The following VWC2L variants were observed in gnomAD, a reference collection of about 807,000 sequenced individuals.
VWC2L encodes von Willebrand factor C domain-containing protein 2-like.
Under a neutral mutation model 21.6 loss-of-function variants are expected in VWC2L, and 10 were observed. That is an observed-to-expected ratio of 0.46 (90% CI 0.29 to 0.78). VWC2L has a LOEUF of 0.78. Ranked by LOEUF, VWC2L falls within the 30% of genes least tolerant of loss-of-function variation. The pLI is 0.10. For missense variants in VWC2L, 209 were observed against 277.1 expected (o/e 0.75, Z 1.74); for synonymous variants, 96 against 94.3 (o/e 1.02, Z -0.10).
At chr2:214,473,090 A>G (rs1022169060) in intron 3 of VWC2L, among the ~76,000 whole-genome samples, 6 of 152,250 alleles carry the variant, frequency 3.9e-5, no homozygotes, top group African/African-American at 1.4e-4. Flanking sequence ...AATAGTCAAA[A>G]GTAAGCAAAA....
chr2:214,501,230 G>A (rs757523463), intron 3 of VWC2L, among the ~76,000 whole-genome samples: 48 of 152,112 alleles, frequency 3.2e-4, no homozygotes, highest in South Asian at 1.2e-3. Context: ...TTTAACCATC[G>A]GAAAAGCCAC....
intron 3 of VWC2L, among the ~76,000 whole-genome samples, chr2:214,457,212 CACTT>C (rs1450487614): frequency 6.6e-6 from 1 of 152,052 alleles, no homozygotes; most frequent in African/African-American, 2.4e-5. Context: ...TGAACCTCCT[CACTT>C]AAATTTATTC....
chr2:214,490,803 A>T (rs964947309), intron 3 of VWC2L, among the ~76,000 whole-genome samples: 1 of 152,238 alleles, frequency 6.6e-6, no homozygotes, highest in Non-Finnish European at 1.5e-5. Flanking sequence ...ATTGCTGCAT[A>T]GAAGTTAAAC....
chr2:214,460,387 C>A (rs767629045), intron 3 of VWC2L, among the ~76,000 whole-genome samples: 11 of 152,084 alleles, frequency 7.2e-5, no homozygotes, highest in Non-Finnish European at 1.3e-4. Context: ...TTCTAGAACA[C>A]CCAAAATTTG....
intron 3 of VWC2L, among the ~76,000 whole-genome samples, chr2:214,461,832 C>T (rs1256474323): frequency 6.6e-6 from 1 of 152,158 alleles, no homozygotes; most frequent in Non-Finnish European, 1.5e-5. Flanking sequence ...AGCCCGCAAC[C>T]AGGACAGTCG....
intron 2 of VWC2L, among the ~76,000 whole-genome samples, chr2:214,432,193 G>A (rs1702610541): frequency 6.6e-6 from 1 of 152,322 alleles, no homozygotes; most frequent in Admixed American, 6.5e-5. Flanking sequence ...AAATGATTAT[G>A]CATTTTAGTT....
chr2:214,519,061 T>C (rs1689190161), intron 3 of VWC2L, among the ~76,000 whole-genome samples: 1 of 152,202 alleles, frequency 6.6e-6, no homozygotes, highest in African/African-American at 2.4e-5. Context: ...AGGTTGCTTA[T>C]ACAAACTTTC....
chr2:214,569,910 G>C (rs539846289), intron 3 of VWC2L, among the ~76,000 whole-genome samples: 1 of 152,214 alleles, frequency 6.6e-6, no homozygotes, highest in African/African-American at 2.4e-5. Flanking sequence ...GTGTAACCAG[G>C]GTGGCTATCA....
At chr2:214,522,466 C>T (rs1308715042) in intron 3 of VWC2L, among the ~76,000 whole-genome samples, 2 of 150,924 alleles carry the variant, frequency 1.3e-5, no homozygotes, top group African/African-American at 4.9e-5. Flanking sequence ...TTAGTGGGTA[C>T]ATAGTCGGTG....
At chr2:214,520,695 G>A (rs761431333) in intron 3 of VWC2L, among the ~76,000 whole-genome samples, 6 of 151,992 alleles carry the variant, frequency 3.9e-5, no homozygotes, top group African/African-American at 7.2e-5. Context: ...TATCATCATT[G>A]CCAATTTGGT....
intron 3 of VWC2L, among the ~76,000 whole-genome samples, chr2:214,565,021 G>T (rs1471955884): frequency 2.0e-5 from 3 of 152,000 alleles, no homozygotes; most frequent in African/African-American, 4.8e-5. Flanking sequence ...ACTAAAATAG[G>T]ATCCTATTAT....
intron 3 of VWC2L, among the ~76,000 whole-genome samples, chr2:214,458,093 G>A (rs1020745118): frequency 1.3e-5 from 2 of 151,896 alleles, no homozygotes; most frequent in Non-Finnish European, 2.9e-5. Flanking sequence ...TTTCTTTGTT[G>A]GGAGACTTTT....
chr2:214,561,346 C>A (rs1689967412), intron 3 of VWC2L, among the ~76,000 whole-genome samples: 3 of 152,216 alleles, frequency 2.0e-5, no homozygotes, highest in Admixed American at 2.0e-4. Flanking sequence ...TCTTGGCCAC[C>A]TGTCATCTCA....
intron 2 of VWC2L, chr2:214,414,836 T>C: frequency 1.1e-5 from 5 of 455,586 alleles, no homozygotes; most frequent in Non-Finnish European, 1.9e-5. Flanking sequence ...TAACACCTTT[T>C]ATTTTTGCCC....
At chr2:214,508,965 G>A (rs925491227) in intron 3 of VWC2L, among the ~76,000 whole-genome samples, 2 of 147,862 alleles carry the variant, frequency 1.4e-5, no homozygotes, top group African/African-American at 5.0e-5. Flanking sequence ...CCTCCTTCTT[G>A]TCTTGCCTTG....
chr2:214,452,742 G>A (rs1449348598), intron 3 of VWC2L, among the ~76,000 whole-genome samples: 1 of 152,026 alleles, frequency 6.6e-6, no homozygotes, highest in Non-Finnish European at 1.5e-5. Context: ...CCTCACCAAT[G>A]CTTGGAATTA....
chr2:214,516,534 T>C (rs1481287845), intron 3 of VWC2L, among the ~76,000 whole-genome samples: 16 of 152,136 alleles, frequency 1.1e-4, no homozygotes, highest in Admixed American at 1.0e-3. Context: ...TGTCAGAGCT[T>C]GAGGTTCCAA....
rs370617772 is a variant in VWC2L at position 214,526,896 on chromosome 2, C to A, written c.521-48776C>A. Among the ~76,000 whole-genome samples the A allele has an allele frequency of 2.4e-4, 36 of 152,294 alleles. 1 individual carries two copies. The highest frequency in any genetic ancestry group is 7.7e-4 in the African/African-American group (32 of 41,550). ...AAAATAAATTGTTCTACCAAGAAGA[C>A]ACATACACTCATATATTCATCACAG... On this transcript the variant is annotated intron_variant, in intron 3 of 3. Coordinates refer to ENST00000312504, the MANE Select transcript of VWC2L (RefSeq NM_001080500.4).
At chr2:214,444,618 GA>G (rs1236576819) in intron 3 of VWC2L, among the ~76,000 whole-genome samples, 1 of 151,922 alleles carries the variant, frequency 6.6e-6, no homozygotes, top group Non-Finnish European at 1.5e-5. Context: ...TGGGGCATTG[GA>G]AAATTCAACC....
Sources: allele counts gnomAD v4.1 joint callset (sites outside exome capture counted in the v4.1 genomes callset), GRCh38; gene constraint gnomAD v4.1.1; transcripts MANE v1.5; gene names NCBI Gene and HGNC (gene_info 2026-07-23, HGNC 2026-07-21).